DSCAM: variants seen among roughly 807,000 people sequenced by gnomAD.
DSCAM encodes cell adhesion molecule DSCAM.
Under a neutral mutation model 217.7 loss-of-function variants are expected in DSCAM, and 47 were observed. That is an observed-to-expected ratio of 0.22 (90% CI 0.17 to 0.28). The LOEUF is 0.28. Among genes scored for constraint, DSCAM ranks in the 10% least tolerant of loss-of-function variants. DSCAM has a pLI of 1.00. For missense variants in DSCAM, 2,080 were observed against 2,618.3 expected (o/e 0.79, Z 4.49); for synonymous variants, 1,056 against 1,015.3 (o/e 1.04, Z -0.76).
intron 1 of DSCAM, among the ~76,000 whole-genome samples, chr21:40,846,007 T>C (rs1000352617): frequency 1.3e-5 from 2 of 152,152 alleles, no homozygotes; most frequent in Non-Finnish European, 2.9e-5. Context: ...GTGTTTTTTT[T>C]TTTTTAATTT....
chr21:40,141,732 TG>T (rs1044706252), intron 18 of DSCAM, among the ~76,000 whole-genome samples: 16 of 152,042 alleles, frequency 1.1e-4, no homozygotes, highest in Non-Finnish European at 2.2e-4. Flanking sequence ...CCCCCAGGCT[TG>T]GGACAGAGAC....
At chr21:40,758,653 C>T (rs1238946012) in intron 1 of DSCAM, among the ~76,000 whole-genome samples, 1 of 152,020 alleles carries the variant, frequency 6.6e-6, no homozygotes, top group Non-Finnish European at 1.5e-5. Context: ...CTTTGAACCC[C>T]TCAGGCCAAC....
At chr21:40,648,034 G>T (rs1413782492) in intron 3 of DSCAM, among the ~76,000 whole-genome samples, 1 of 152,106 alleles carries the variant, frequency 6.6e-6, no homozygotes, top group Non-Finnish European at 1.5e-5. Flanking sequence ...CACATGCACC[G>T]AGTAGCAAGA....
intron 3 of DSCAM, among the ~76,000 whole-genome samples, chr21:40,447,797 T>C (rs372540571): frequency 1.3e-5 from 2 of 152,242 alleles, no homozygotes; most frequent in Non-Finnish European, 2.9e-5. Flanking sequence ...TTATCTGTGG[T>C]AGGTGTTCCA....
At chr21:40,612,652 G>T (rs1165192187) in intron 3 of DSCAM, among the ~76,000 whole-genome samples, 1 of 152,130 alleles carries the variant, frequency 6.6e-6, no homozygotes, top group East Asian at 1.9e-4. Flanking sequence ...AGTTTTAAGG[G>T]GATGTTTGTT....
intron 3 of DSCAM, among the ~76,000 whole-genome samples, chr21:40,567,868 T>C (rs1047877442): frequency 2.0e-5 from 3 of 152,330 alleles, no homozygotes; most frequent in South Asian, 2.1e-4. Flanking sequence ...AATTCAGTCT[T>C]TAGGATATTT....
chr21:40,553,584 T>A (rs2076647187), intron 3 of DSCAM, among the ~76,000 whole-genome samples: 1 of 152,210 alleles, frequency 6.6e-6, no homozygotes, highest in Non-Finnish European at 1.5e-5. Context: ...TATATATCAT[T>A]AACCAAATAT....
chr21:40,674,778 G>A (rs917946015), intron 3 of DSCAM, among the ~76,000 whole-genome samples: 2 of 151,726 alleles, frequency 1.3e-5, no homozygotes, highest in Non-Finnish European at 2.9e-5. Context: ...GACTACAGGC[G>A]CCTGCCACCA....
intron 8 of DSCAM, among the ~76,000 whole-genome samples, chr21:40,314,725 C>G (rs759319466): frequency 6.6e-6 from 1 of 152,176 alleles, no homozygotes; most frequent in African/African-American, 2.4e-5. Context: ...TGGCTTGGTG[C>G]TTACTGTCTG....
intron 1 of DSCAM, among the ~76,000 whole-genome samples, chr21:40,717,437 C>A (rs1029187604): frequency 6.6e-6 from 1 of 152,262 alleles, no homozygotes; most frequent in African/African-American, 2.4e-5. Context: ...GCCTACATGT[C>A]TATCCCCTGA....
chr21:40,642,636 GC>G (rs1439030214), intron 3 of DSCAM, among the ~76,000 whole-genome samples: 1 of 152,166 alleles, frequency 6.6e-6, no homozygotes, highest in Non-Finnish European at 1.5e-5. Context: ...AGGCTTGAGT[GC>G]AGTGGTGTGA....
chr21:40,199,078 C>T (rs993552344), intron 11 of DSCAM, among the ~76,000 whole-genome samples: 1 of 152,072 alleles, frequency 6.6e-6, no homozygotes, highest in Non-Finnish European at 1.5e-5. Flanking sequence ...TATGAGTAAC[C>T]ACAATCTGGA....
At chr21:40,239,478 G>A (rs952438109) in intron 11 of DSCAM, among the ~76,000 whole-genome samples, 15 of 152,118 alleles carry the variant, frequency 9.9e-5, no homozygotes, top group African/African-American at 3.6e-4. Context: ...GAAAGAAGAG[G>A]CTCCTTCTAA....
At chr21:40,364,396 G>A (rs1369295727) in intron 4 of DSCAM, among the ~76,000 whole-genome samples, 1 of 151,968 alleles carries the variant, frequency 6.6e-6, no homozygotes, top group South Asian at 2.1e-4. Context: ...GATGAAGCTG[G>A]AAACCATCAT....
At chr21:40,415,236 TA>T (rs1159710006) in intron 3 of DSCAM, among the ~76,000 whole-genome samples, 1 of 152,246 alleles carries the variant, frequency 6.6e-6, no homozygotes, top group East Asian at 1.9e-4. Flanking sequence ...TATATAGTTA[TA>T]AAAAAAGAAA....
At chr21:40,433,138 C>T (rs900243397) in intron 3 of DSCAM, among the ~76,000 whole-genome samples, 2 of 151,970 alleles carry the variant, frequency 1.3e-5, no homozygotes, top group African/African-American at 4.8e-5. Flanking sequence ...GTGGGTGAAT[C>T]ACGAGGTCAG....
chr21:40,401,844 C>G (rs1019246156), intron 3 of DSCAM, among the ~76,000 whole-genome samples: 1 of 152,018 alleles, frequency 6.6e-6, no homozygotes, highest in Non-Finnish European at 1.5e-5. Flanking sequence ...ACCTGGAGAC[C>G]TGCCATGGGC....
At chr21:40,064,449 T>G (rs993902769) in intron 27 of DSCAM, among the ~76,000 whole-genome samples, 1 of 152,124 alleles carries the variant, frequency 6.6e-6, no homozygotes, top group African/African-American at 2.4e-5. Flanking sequence ...TTCATGGCAA[T>G]GTACTAAGGA....
intron 11 of DSCAM, among the ~76,000 whole-genome samples, chr21:40,198,334 G>A (rs1189006050): frequency 1.3e-5 from 2 of 151,858 alleles, no homozygotes; most frequent in Admixed American, 1.3e-4. Flanking sequence ...ACTTCCTCTG[G>A]CATGGTGATA....
Sources: gnomAD v4.1 joint callset for allele counts (sites outside exome capture counted in the v4.1 genomes callset) on GRCh38, gnomAD v4.1.1 for gene constraint, MANE v1.5 for transcripts, NCBI Gene and HGNC (gene_info 2026-07-23, HGNC 2026-07-21) for gene names.